The following USP8 variants were observed in gnomAD, a reference collection of about 807,000 sequenced individuals.
The protein encoded by USP8 is ubiquitin specific peptidase 8, also known as ubiquitin carboxyl-terminal hydrolase 8.
Under a neutral mutation model 130.0 loss-of-function variants are expected in USP8, and 27 were observed. That is an observed-to-expected ratio of 0.21 (90% CI 0.15 to 0.29). The LOEUF is 0.29. Ranked by LOEUF, USP8 falls within the 10% of genes least tolerant of loss-of-function variation. The pLI, the probability that USP8 is intolerant of heterozygous loss-of-function variation, is 1.00. For missense variants in USP8, 1,029 were observed against 1,312.2 expected, an observed-to-expected ratio of 0.78 and a Z score of 3.33; for synonymous variants, 392 against 444.1, an observed-to-expected ratio of 0.88 and a Z score of 1.48.
intron 4 of USP8, among the ~76,000 whole-genome samples, chr15:50,456,573 CAAA>C (rs36014118): frequency 9.5e-6 from 1 of 104,846 alleles, no homozygotes; most frequent in Non-Finnish European, 1.9e-5. Context: ...GACTCCGTCT[CAAA>C]AAAAAAAAAA....
chr15:50,431,642 C>G (rs925323200), intron 1 of USP8, among the ~76,000 whole-genome samples: 1 of 152,154 alleles, frequency 6.6e-6, no homozygotes, highest in Non-Finnish European at 1.5e-5. Flanking sequence ...CCAATAACTT[C>G]TGTAATATTC....
intron 6 of USP8, among the ~76,000 whole-genome samples, chr15:50,464,756 A>G (rs2051126975): frequency 6.6e-6 from 1 of 152,228 alleles, no homozygotes; most frequent in Non-Finnish European, 1.5e-5. Flanking sequence ...CAGGAGGCTG[A>G]GGCAGGAGAA....
chr15:50,454,574 G>A (rs1225813328), intron 4 of USP8, among the ~76,000 whole-genome samples: 1 of 149,814 alleles, frequency 6.7e-6, no homozygotes, highest in African/African-American at 2.5e-5. Flanking sequence ...TCCTATCTTA[G>A]CCTCCCAAGT....
intron 3 of USP8, among the ~76,000 whole-genome samples, chr15:50,447,609 G>A (rs564485666): frequency 2.5e-4 from 38 of 150,362 alleles, no homozygotes; most frequent in African/African-American, 7.3e-4. Flanking sequence ...GTTGCCCGGG[G>A]TAGAGTACAA....
intron 7 of USP8, 73 bp from the exon 8 acceptor site, chr15:50,471,560 C>A (rs2051377259): frequency 2.6e-6 from 4 of 1,523,120 alleles, no homozygotes; most frequent in Non-Finnish European, 3.5e-6. Flanking sequence ...TGGAACAAAA[C>A]TGAGTGTCTT....
At chr15:50,449,669 C>T (rs2050553069) in intron 4 of USP8, among the ~76,000 whole-genome samples, 184 bp downstream of exon 4, 1 of 151,746 alleles carries the variant, frequency 6.6e-6, no homozygotes, top group African/African-American at 2.4e-5. Flanking sequence ...GCAAGCTCCA[C>T]TTCCTGGGTT....
At position 50,497,229 on chromosome 15, in the gene USP8, A is replaced by G; in HGVS notation, c.3036A>G (p.Lys1012=). 6.2e-7 allele frequency: 1 copy of G among 1,600,052 alleles called. No individual in the cohort carries two copies. The highest frequency in any genetic ancestry group is 1.7e-4 in the Middle Eastern group (1 of 5,982). Residue 1012 remains lysine, a splice_region_variant and synonymous_variant, in exon 18 of 20, where the codon AAA becomes AAG. Transcript: ENST00000307179. ...CACCTGTGCTTTTAGTGCATCTGAA[A>G]CGGTAAAGGGGAAAGTTTGTCCTCC... ...KLPPVLLVHL[K]RFSYDGRWKQ...
At position 50,485,143 on chromosome 15, in the gene USP8, C is replaced by T. The variant is rs372913155; in HGVS notation, c.1890+782C>T. ...ATTTTATGTTATGTGTATTTCATCACAATTTTTTAAATACATAGGCTTTGT... is the reference window on the plus strand; with the variant it reads ...ATTTTATGTTATGTGTATTTCATCATAATTTTTTAAATACATAGGCTTTGT... On this transcript the variant is annotated intron_variant, in intron 12 of 19. Coordinates refer to ENST00000307179, the MANE Select transcript of USP8 (RefSeq NM_005154.5). Among the ~76,000 whole-genome samples, 6 of 152,220 alleles carry T rather than the reference C, an allele frequency of 3.9e-5. 1 individual carries two copies. Among genetic ancestry groups the T allele is most frequent in the Non-Finnish European group, 1.5e-5 (1 of 68,016 alleles).
intron 6 of USP8, among the ~76,000 whole-genome samples, chr15:50,464,374 C>T (rs118039239): frequency 0.019 from 2,948 of 152,280 alleles, 37 homozygotes; most frequent in Admixed American, 0.031. Context: ...ATATTTCTTT[C>T]TTCCAGTTAG....
chr15:50,433,871 T>C (rs12912813), intron 1 of USP8, among the ~76,000 whole-genome samples: 4,849 of 152,242 alleles, frequency 0.032, 132 homozygotes, highest in East Asian at 0.14. Flanking sequence ...TCCCAAAGTG[T>C]TGGGATTACA....
intron 8 of USP8, 89 bp from the exon 9 acceptor site, chr15:50,476,760 A>G: frequency 7.2e-7 from 1 of 1,392,636 alleles, no homozygotes; most frequent in Non-Finnish European, 9.4e-7. Context: ...TTTTGTCCTT[A>G]AGGGAACAAC....
At chr15:50,495,396 T>C (rs1025385578) in intron 16 of USP8, among the ~76,000 whole-genome samples, 1 of 151,770 alleles carries the variant, frequency 6.6e-6, no homozygotes, top group African/African-American at 2.4e-5. Flanking sequence ...ATTATATATG[T>C]CCAGTTGTAG....
chr15:50,444,536 G>A (rs1325688019), intron 3 of USP8: 4 of 151,634 alleles, frequency 2.6e-5, no homozygotes, highest in Non-Finnish European at 4.4e-5. Flanking sequence ...AAGGTAGTGA[G>A]TACATTTAAA....
chr15:50,505,667 A>G lies in USP8; in HGVS notation c.*6579A>G, dbSNP rs1232084923. The G allele has an allele frequency of 2.0e-5, 3 of 152,266 alleles. No individual in the cohort carries two copies. Among genetic ancestry groups the G allele is most frequent in the African/African-American group, 2.4e-5 (1 of 41,450 alleles). 9.4% of individuals were successfully genotyped at this position (152,266 alleles called of 1,614,324 possible). A position where few individuals can be genotyped will look rare whatever the true frequency, so the allele number is the denominator to read the frequency against. On this transcript the variant is annotated 3_prime_UTR_variant, in exon 20 of 20. Coordinates refer to ENST00000307179, the MANE Select transcript of USP8 (RefSeq NM_005154.5). ...GTCTCCTTTGGAGGCATATTAAAAA[A>G]TTAAAAACCGGCTGGGCATGGTGGT...
intron 1 of USP8, among the ~76,000 whole-genome samples, chr15:50,429,054 C>T (rs2049841210): frequency 6.6e-6 from 1 of 152,086 alleles, no homozygotes. Context: ...TGAGGTGGTG[C>T]ACAATTTAAA....
chr15:50,465,656 A>C (rs1326835341), intron 7 of USP8, among the ~76,000 whole-genome samples: 1 of 152,238 alleles, frequency 6.6e-6, no homozygotes, highest in Non-Finnish European at 1.5e-5. Flanking sequence ...GTTTATAAGC[A>C]TGTGAATCGT....
intron 7 of USP8, chr15:50,466,705 A>G (rs535304450): frequency 1.5e-3 from 300 of 204,172 alleles, no homozygotes; most frequent in Middle Eastern, 3.9e-3. Flanking sequence ...GCTCTCGCAG[A>G]GGAACCGGTC....
chr15:50,496,732 T>C (rs898278809), intron 17 of USP8, among the ~76,000 whole-genome samples: 2 of 152,208 alleles, frequency 1.3e-5, no homozygotes, highest in African/African-American at 2.4e-5. Flanking sequence ...ATCAAATAAA[T>C]ATCCTGTTTT....
rs533195717 is a variant in USP8 at position 50,501,047 on chromosome 15, A to G, written c.*1959A>G. ...TACTTATATGTTGTGCCCATTGACT[A>G]TCATCTGTGAATAAAGAAAGACAAT... On this transcript the variant is annotated 3_prime_UTR_variant, in exon 20 of 20. Coordinates refer to ENST00000307179, the MANE Select transcript of USP8 (RefSeq NM_005154.5). 1.2e-5 allele frequency: 6 copies of G among 502,302 alleles called. No homozygotes were observed. The highest frequency in any genetic ancestry group is 7.2e-5 in the South Asian group (3 of 41,484). 31.1% of individuals were successfully genotyped at this position (502,302 alleles called of 1,614,324 possible). A position where few individuals can be genotyped will look rare whatever the true frequency, so the allele number is the denominator to read the frequency against.
Sources: gnomAD v4.1 joint callset for allele counts (sites outside exome capture counted in the v4.1 genomes callset) on GRCh38, gnomAD v4.1.1 for gene constraint, MANE v1.5 for transcripts, NCBI Gene and HGNC (gene_info 2026-07-23, HGNC 2026-07-21) for gene names.